The following CC2D1B variants were observed in gnomAD, a reference collection of about 807,000 sequenced individuals.
The protein encoded by CC2D1B is coiled-coil and C2 domain containing 1B, also known as coiled-coil and C2 domain-containing protein 1B.
A neutral mutation model predicts 110.8 loss-of-function variants in CC2D1B; 92 were observed. The observed-to-expected ratio is 0.83, with a 90% CI of 0.70 to 0.99. The LOEUF is 0.99. Ranked by LOEUF, CC2D1B falls within the 50% of genes least tolerant of loss-of-function variation. The probability of loss-of-function intolerance (pLI) is 0.00; values close to 1 mark genes in which losing one functional copy is unlikely to be tolerated. For missense variants in CC2D1B, 1,136 were observed against 1,089.0 expected (o/e 1.04, Z -0.61); for synonymous variants, 406 against 429.2 (o/e 0.95, Z 0.67).
intron 1 of CC2D1B, among the ~76,000 whole-genome samples, chr1:52,365,302 C>A (rs1326293506): frequency 1.3e-5 from 2 of 152,266 alleles, no homozygotes; most frequent in Admixed American, 1.3e-4. Flanking sequence ...TGGAGGTGGA[C>A]TACACGGGGT....
chr1:52,356,673 C>G, intron 16 of CC2D1B: 2 of 609,640 alleles, frequency 3.3e-6, no homozygotes, highest in Non-Finnish European at 5.8e-6. Context: ...CTCCTTCCAT[C>G]AAAACCTAAC....
chr1:52,359,370 G>A lies in CC2D1B; in HGVS notation c.1019-13C>T. ...TGGGGCTTCAGATCTGGGGGACCCA[G>A]AGTAGAGGTGTAGGTGGGAGGGCCT... On this transcript the variant is annotated splice_polypyrimidine_tract_variant and intron_variant, in intron 9 of 24. Coordinates refer to ENST00000284376, the MANE Select transcript of CC2D1B (RefSeq NM_001330585.2). 4 of 1,613,480 alleles carry A rather than the reference G, an allele frequency of 2.5e-6. No homozygotes were observed. Among genetic ancestry groups the A allele is most frequent in the Non-Finnish European group, 3.4e-6 (4 of 1,179,772 alleles).
chr1:52,360,537 G>A lies in CC2D1B; in HGVS notation c.490C>T (p.Gln164Ter). The change falls in exon 6 of 25, where the codon CAG becomes TAG. Residue 164 changes from glutamine to a stop codon, truncating the protein, a stop_gained. Transcript: ENST00000284376. LOFTEE classifies it high-confidence loss of function. Reference sequence around the variant, plus strand: ...TCCTCCAGCAAAGCGTGTAGCCCCTGAGATGCTCCGGCCTATGAACAATTC... The same window carrying A: ...TCCTCCAGCAAAGCGTGTAGCCCCTAAGATGCTCCGGCCTATGAACAATTC... ...SAPAAQAGAS[Q>*]GLHALLEERI... is the part of the protein sequence containing the mutation. The A allele has an allele frequency of 1.2e-6, 2 of 1,614,054 alleles. No homozygotes were observed. The highest frequency in any genetic ancestry group is 1.7e-6 in the Non-Finnish European group (2 of 1,180,016).
chr1:52,354,019 A>G (rs1646585584), intron 23 of CC2D1B: 2 of 289,130 alleles, frequency 6.9e-6, no homozygotes, highest in South Asian at 7.9e-5. Flanking sequence ...TGGCAGAGTC[A>G]GCACTGGAAC....
At chr1:52,356,353 C>T in intron 17 of CC2D1B, 31 bp downstream of exon 17, 1 of 1,614,168 alleles carries the variant, frequency 6.2e-7, no homozygotes, top group Non-Finnish European at 8.5e-7. Flanking sequence ...GCTCCCCACC[C>T]TATGAGCCCA....
rs549047899 is a variant in CC2D1B, at chr1:52,351,806, C to A, written c.*1419G>T. The A allele has an allele frequency of 1.1e-4, 17 of 151,212 alleles. No individual in the cohort carries two copies. Among genetic ancestry groups the A allele is most frequent in the African/African-American group, 3.9e-4 (16 of 40,940 alleles). 9.4% of individuals were successfully genotyped at this position (151,212 alleles called of 1,614,324 possible). A position where few individuals can be genotyped will look rare whatever the true frequency, so the allele number is the denominator to read the frequency against. On this transcript the variant is annotated 3_prime_UTR_variant, in exon 25 of 25. Coordinates refer to ENST00000284376, the MANE Select transcript of CC2D1B (RefSeq NM_001330585.2). ...GACTGACACAGGAGAATCGCTTGAA[C>A]CTGGGAGGTGGGGGTTGCAGCGAGC...
intron 15 of CC2D1B, 47 bp downstream of exon 15, chr1:52,357,479 G>T: frequency 6.5e-7 from 1 of 1,530,092 alleles, no homozygotes. Context: ...CCTGCCAGCC[G>T]CCACCTCCGC....
intron 14 of CC2D1B, 26 bp downstream of exon 14, chr1:52,357,755 C>T (rs1284282128): frequency 6.3e-7 from 1 of 1,599,528 alleles, no homozygotes; most frequent in South Asian, 1.1e-5. Flanking sequence ...GCCCTCAGTT[C>T]TTCACCCTGC....
In CC2D1B at chr1:52,360,242, G is replaced by A. The variant is rs780994259; in HGVS notation, c.604-9C>T. Reference sequence around the variant, plus strand: ...AGCTGCGACTCCAAGGTCTGAGGGAGAGAACTGGTCCAGAAACCCAGCCAG... The same window carrying A: ...AGCTGCGACTCCAAGGTCTGAGGGAAAGAACTGGTCCAGAAACCCAGCCAG... On this transcript the variant is annotated splice_polypyrimidine_tract_variant and intron_variant, in intron 6 of 24. Transcript: ENST00000284376. 2 of 1,613,792 alleles carry A rather than the reference G, an allele frequency of 1.2e-6. No homozygotes were observed. The highest frequency in any genetic ancestry group is 1.7e-5 in the Admixed American group (1 of 59,976).
chr1:52,362,344 A>G (rs758016930), intron 3 of CC2D1B, among the ~76,000 whole-genome samples: 2 of 152,164 alleles, frequency 1.3e-5, no homozygotes, highest in Non-Finnish European at 2.9e-5. Context: ...CCCTACACCA[A>G]TACCGTGGCT....
In CC2D1B at chr1:52,357,093, A is replaced by G. The variant is rs1269097067; in HGVS notation, c.1786T>C (p.Phe596Leu). ...AGGTCCTCATGGTGGATGAGGATGA[A>G]GTCACCCTCCTCATCCGTCAAGGGC... is the stretch of plus-strand genomic sequence containing the variant. ...PSPLTDEEGDFILIHHEDLRL... is the reference protein window; with the variant it reads ...PSPLTDEEGDLILIHHEDLRL... The change falls in exon 16 of 25, where the codon TTC becomes CTC. Residue 596 changes from phenylalanine to leucine, a missense_variant. Coordinates refer to ENST00000284376, the MANE Select transcript of CC2D1B (RefSeq NM_001330585.2). The G allele has an allele frequency of 6.2e-7, 1 of 1,613,360 alleles. No homozygotes were observed. The highest frequency in any genetic ancestry group is 8.5e-7 in the Non-Finnish European group (1 of 1,179,744).
rs115057128 is a variant in CC2D1B, at chr1:52,365,118, G to C, written c.-14-484C>G. Among the ~76,000 whole-genome samples, 1,130 of 152,348 alleles carry C rather than the reference G, an allele frequency of 7.4e-3. 15 individuals carry two copies. Among genetic ancestry groups the C allele is most frequent in the African/African-American group, 0.026 (1,090 of 41,578 alleles). ...GAACATTTTCATCATCCAAGGACAT[G>C]TCATCAAAGTTCCATCTCACAGCTG... On this transcript the variant is annotated intron_variant, in intron 1 of 24. Coordinates refer to ENST00000284376, the MANE Select transcript of CC2D1B (RefSeq NM_001330585.2).
At chr1:52,363,491 T>A (rs1383876802) in intron 2 of CC2D1B, among the ~76,000 whole-genome samples, 1 of 152,140 alleles carries the variant, frequency 6.6e-6, no homozygotes, top group Non-Finnish European at 1.5e-5. Context: ...AAGGGTGAGT[T>A]CAATGGCATA....
At position 52,358,392 on chromosome 1, in the gene CC2D1B, G is replaced by A. The variant is rs1417004534; in HGVS notation, c.1400C>T (p.Ala467Val). The A allele has an allele frequency of 6.2e-7, 1 of 1,614,114 alleles. No individual in the cohort carries two copies. Among genetic ancestry groups the A allele is most frequent in the Non-Finnish European group, 8.5e-7 (1 of 1,180,020 alleles). ...TGCAGAGGCCAGTTTCTCTGCAGCT[G>A]CCAATGTCGCTGCCACTGCGTCCTC... ...VEEDAVAATL[A>V]AAEKLASAED... Residue 467 changes from alanine (A) to valine (V), a missense_variant, in exon 13 of 25, where the codon GCA becomes GTA. Physicochemically the swap from Ala to Val is moderately conservative, Grantham distance 64 (BLOSUM62 0). Transcript: ENST00000284376.
At chr1:52,357,378 G>C in intron 15 of CC2D1B, 148 bp downstream of exon 15, 1 of 963,686 alleles carries the variant, frequency 1.0e-6, no homozygotes, top group Non-Finnish European at 1.5e-6. Flanking sequence ...AGGTAGAGGA[G>C]TATGAGCAAA....
At chr1:52,358,102 G>T in intron 13 of CC2D1B, 1 of 890,028 alleles carries the variant, frequency 1.1e-6, no homozygotes, top group Non-Finnish European at 1.7e-6. Context: ...GCAGGAGAGA[G>T]ACTGCAGGGT....
At position 52,361,093 on chromosome 1, in the gene CC2D1B, C is replaced by T; in HGVS notation, c.358G>A (p.Glu120Lys). ...QEVLGVDEET[E>K]PLDGDEVADP... ...GCTACCTCATCACCATCCAGGGGCT[C>T]AGTCTCCTCGTCCACACCTAAGACC... is the stretch of plus-strand genomic sequence containing the variant. The change falls in exon 5 of 25, where the codon GAG becomes AAG. Residue 120 changes from glutamate to lysine, a missense_variant. Glu to Lys is a moderately conservative substitution (Grantham distance 56). Transcript: ENST00000284376. 1 of 1,614,058 alleles carries T rather than the reference C, an allele frequency of 6.2e-7. No individual in the cohort carries two copies. The highest frequency in any genetic ancestry group is 8.5e-7 in the Non-Finnish European group (1 of 1,180,006).
In CC2D1B at chr1:52,353,625, G is replaced by T; in HGVS notation, c.2453C>A (p.Thr818Asn). The change falls in exon 24 of 25, where the codon ACC becomes AAC. Residue 818 changes from threonine (T) to asparagine (N), a missense_variant. Physicochemically the swap from Thr to Asn is moderately conservative, Grantham distance 65 (BLOSUM62 0). Coordinates refer to ENST00000284376, the MANE Select transcript of CC2D1B (RefSeq NM_001330585.2). ...IVEVLDGRKP[T>N]GGKLEVKVRL... is the part of the protein sequence containing the mutation. ...CACCTTCACCTCCAGCTTCCCCCCG[G>T]TGGGCTTCCTTCCATCCAGGACCTG... 6.2e-7 allele frequency: 1 copy of T among 1,607,882 alleles called. No homozygotes were observed. The highest frequency in any genetic ancestry group is 8.5e-7 in the Non-Finnish European group (1 of 1,176,986).
At chr1:52,362,116 T>G (rs1004827293) in intron 3 of CC2D1B, among the ~76,000 whole-genome samples, 7 of 152,100 alleles carry the variant, frequency 4.6e-5, no homozygotes, top group African/African-American at 1.7e-4. Context: ...CCTCCCATTA[T>G]CCTCAACTCA....
Sources: gnomAD v4.1 joint callset for allele counts (sites outside exome capture counted in the v4.1 genomes callset) on GRCh38, gnomAD v4.1.1 for gene constraint, MANE v1.5 for transcripts, NCBI Gene and HGNC (gene_info 2026-07-23, HGNC 2026-07-21) for gene names.